DNM3: variants seen among roughly 807,000 people sequenced by gnomAD.
DNM3 encodes the protein dynamin-3.
Under a neutral mutation model 101.6 loss-of-function variants are expected in DNM3, and 47 were observed. The observed-to-expected ratio is 0.46, with a 90% CI of 0.37 to 0.59. DNM3 has a LOEUF of 0.59. Ranked by LOEUF, DNM3 falls within the 20% of genes least tolerant of loss-of-function variation. The pLI, the probability that DNM3 is intolerant of heterozygous loss-of-function variation, is 0.00. For missense variants in DNM3, 849 were observed against 1,085.7 expected (o/e 0.78, Z 3.06); for synonymous variants, 385 against 387.9 (o/e 0.99, Z 0.09).
intron 17 of DNM3, among the ~76,000 whole-genome samples, chr1:172,330,027 A>G (rs1013543260): frequency 3.3e-5 from 5 of 152,216 alleles, no homozygotes; most frequent in African/African-American, 1.2e-4. Context: ...TGTACCACAC[A>G]TGTTGCCGAC....
chr1:171,952,453 T>C (rs2042590220), intron 2 of DNM3, among the ~76,000 whole-genome samples: 1 of 152,182 alleles, frequency 6.6e-6, no homozygotes, highest in Admixed American at 6.5e-5. Flanking sequence ...TTAATGGTAA[T>C]GCTGGTCAGT....
intron 15 of DNM3, among the ~76,000 whole-genome samples, chr1:172,255,929 A>G (rs1352421400): frequency 6.6e-6 from 1 of 152,134 alleles, no homozygotes; most frequent in Admixed American, 6.6e-5. Flanking sequence ...TCATTTTTAA[A>G]TCATGCTTAG....
chr1:172,407,474 G>A (rs953912267), intron 20 of DNM3, among the ~76,000 whole-genome samples: 2 of 151,784 alleles, frequency 1.3e-5, no homozygotes, highest in Admixed American at 1.3e-4. Context: ...TATTCTATTG[G>A]CTAAGATATG....
At chr1:171,856,455 G>T (rs528023134) in intron 1 of DNM3, among the ~76,000 whole-genome samples, 1 of 152,098 alleles carries the variant, frequency 6.6e-6, no homozygotes, top group Non-Finnish European at 1.5e-5. Flanking sequence ...TCTATAAATT[G>T]CTTTGGGCAA....
intron 14 of DNM3, among the ~76,000 whole-genome samples, chr1:172,190,475 G>A (rs567723537): frequency 5.8e-4 from 88 of 152,166 alleles, no homozygotes; most frequent in African/African-American, 2.0e-3. Context: ...ATAAACATAC[G>A]TCTGCATGTG....
chr1:172,416,841 AC>A (rs1393308932), downstream of DNM3, among the ~76,000 whole-genome samples: 2 of 151,976 alleles, frequency 1.3e-5, no homozygotes, highest in Non-Finnish European at 2.9e-5. Context: ...AGCCTTGCAG[AC>A]CCCCTAGCCC....
chr1:172,323,408 CAA>C, intron 17 of DNM3, 68 bp downstream of exon 17: 1 of 1,543,802 alleles, frequency 6.5e-7, no homozygotes, highest in Non-Finnish European at 8.8e-7. Context: ...CATGTCTTGA[CAA>C]GAGTGTTCCT....
intron 15 of DNM3, among the ~76,000 whole-genome samples, chr1:172,254,545 G>T (rs539217221): frequency 6.6e-6 from 1 of 152,246 alleles, no homozygotes; most frequent in East Asian, 1.9e-4. Context: ...GAAAGCGTAG[G>T]CTCAGGGATG....
chr1:172,319,167 G>T (rs1358269100), intron 16 of DNM3, among the ~76,000 whole-genome samples: 1 of 152,120 alleles, frequency 6.6e-6, no homozygotes, highest in Non-Finnish European at 1.5e-5. Flanking sequence ...AATGGTGCTG[G>T]GAAAACTGGC....
At chr1:172,079,599 C>T (rs2052968311) in intron 11 of DNM3, among the ~76,000 whole-genome samples, 1 of 151,980 alleles carries the variant, frequency 6.6e-6, no homozygotes, top group Non-Finnish European at 1.5e-5. Flanking sequence ...TGTTATTACC[C>T]ACCTTGTGAA....
At chr1:171,891,551 A>G (rs1034308715) in intron 1 of DNM3, among the ~76,000 whole-genome samples, 3 of 152,302 alleles carry the variant, frequency 2.0e-5, no homozygotes, top group Admixed American at 1.3e-4. Flanking sequence ...GATCATATCC[A>G]GGATACCACA....
At chr1:172,376,513 G>A (rs1407931243) in intron 17 of DNM3, 1 of 151,946 alleles carries the variant, frequency 6.6e-6, no homozygotes, top group Non-Finnish European at 1.5e-5. Flanking sequence ...GTTAGAACTG[G>A]GGTTAGAGAA....
At chr1:172,002,783 T>C (rs2046430763) in intron 4 of DNM3, among the ~76,000 whole-genome samples, 2 of 152,046 alleles carry the variant, frequency 1.3e-5, no homozygotes, top group African/African-American at 4.8e-5. Flanking sequence ...AATGTGTGAG[T>C]GTAAAATTTG....
intron 1 of DNM3, among the ~76,000 whole-genome samples, chr1:171,896,737 A>AT (rs1172004463): frequency 6.6e-6 from 1 of 151,962 alleles, no homozygotes; most frequent in African/African-American, 2.4e-5. Context: ...AACACTTGCA[A>AT]TTTTTTTCTG....
intron 17 of DNM3, chr1:172,338,978 T>G (rs2066567600): frequency 4.6e-6 from 2 of 432,180 alleles, no homozygotes; most frequent in South Asian, 3.4e-5. Context: ...CTAAATAATA[T>G]TAACTTGTTC....
chr1:172,239,644 T>A (rs1437201669), intron 14 of DNM3, among the ~76,000 whole-genome samples: 1 of 152,108 alleles, frequency 6.6e-6, no homozygotes, highest in Admixed American at 6.6e-5. Context: ...TGAGGATAGA[T>A]GGGGCCACCT....
chr1:172,052,547 C>T (rs1047255636), intron 10 of DNM3, among the ~76,000 whole-genome samples: 2 of 152,132 alleles, frequency 1.3e-5, no homozygotes, highest in African/African-American at 2.4e-5. Flanking sequence ...TTGGATTCTA[C>T]CCCACTACTC....
intron 6 of DNM3, among the ~76,000 whole-genome samples, chr1:172,038,093 T>G (rs1416290424): frequency 1.3e-5 from 2 of 152,156 alleles, no homozygotes; most frequent in East Asian, 1.9e-4. Flanking sequence ...CTCAAGTGAG[T>G]GACTCTAAAT....
At chr1:172,152,279 T>C (rs1016480469) in intron 14 of DNM3, among the ~76,000 whole-genome samples, 2 of 151,708 alleles carry the variant, frequency 1.3e-5, no homozygotes, top group Non-Finnish European at 2.9e-5. Context: ...TTTTTTTTTT[T>C]CAGTGATCCC....
Sources: gnomAD v4.1 joint callset for allele counts (sites outside exome capture counted in the v4.1 genomes callset) on GRCh38, gnomAD v4.1.1 for gene constraint, MANE v1.5 for transcripts, NCBI Gene and HGNC (gene_info 2026-07-23, HGNC 2026-07-21) for gene names.